The following PCSK5 variants were observed in gnomAD, a reference collection of about 807,000 sequenced individuals.
PCSK5 encodes the protein proprotein convertase subtilisin/kexin type 5, also known as prohormone convertase 5.
Under a neutral mutation model 233.2 loss-of-function variants are expected in PCSK5, and 129 were observed. The observed-to-expected ratio is 0.55, with a 90% confidence interval of 0.48 to 0.64. The LOEUF (loss-of-function observed/expected upper bound fraction) is 0.64, where lower values mean the gene tolerates loss of function less well. Among genes scored for constraint, PCSK5 ranks in the 30% least tolerant of loss-of-function variants. The pLI is 0.00. For missense variants in PCSK5, 2,076 were observed against 2,430.1 expected, an observed-to-expected ratio of 0.85 and a Z score of 3.06; for synonymous variants, 825 against 879.2, an observed-to-expected ratio of 0.94 and a Z score of 1.09.
Position 76,350,873 on chromosome 9 carries a change from T to A in PCSK5, c.5012T>A (p.Leu1671His), listed in dbSNP as rs375939325. The change falls in exon 36 of 38, where the codon CTC (leucine) becomes CAC (histidine). Residue 1671 changes from leucine (L) to histidine (H), a missense_variant. Leu to His is a moderately conservative substitution (Grantham distance 99). Around this residue, in one of 6 missense-constraint regions of PCSK5, gnomAD observed 1,510 missense variants for 1,538.1 expected, o/e 0.98. Transcript: ENST00000674117. ...NCLSCVWSYH[L>H]MGGICTSDCL... The stretch of plus-strand genomic sequence containing the variant: ...TTATCCTGTGTGTGGAGTTACCACC[T>A]CATGGGAGGGATCTGCACCTCGGAC... The A allele has an allele frequency of 2.5e-6, 4 of 1,610,080 alleles. No individual in the cohort carries two copies. In the African/African-American group the frequency reaches 5.3e-5, roughly 22 times the overall value.
At chr9:76,194,019 T>C (rs1471964172) in intron 20 of PCSK5, 1 of 152,430 alleles carries the variant, frequency 6.6e-6, no homozygotes, top group Non-Finnish European at 1.5e-5. Flanking sequence ...ACTGGTTTCA[T>C]CAGATAGACT....
chr9:76,225,455 ATC>A (rs1383636350), intron 20 of PCSK5, among the ~76,000 whole-genome samples: 1 of 152,162 alleles, frequency 6.6e-6, no homozygotes, highest in Non-Finnish European at 1.5e-5. Context: ...ATACATAGAT[ATC>A]ATCTAACTGT....
intron 2 of PCSK5, among the ~76,000 whole-genome samples, chr9:75,972,261 A>G (rs1339299888): frequency 6.6e-6 from 1 of 152,140 alleles, no homozygotes; most frequent in Admixed American, 6.6e-5. Context: ...TACCACTATC[A>G]TGCTGTTTTG....
intron 24 of PCSK5, among the ~76,000 whole-genome samples, chr9:76,241,541 A>G (rs1440695178): frequency 6.6e-6 from 1 of 152,194 alleles, no homozygotes; most frequent in Admixed American, 6.5e-5. Context: ...TGAATTCCCC[A>G]TCATGCAATG....
At chr9:76,108,513 G>C (rs2131682609) in intron 9 of PCSK5, among the ~76,000 whole-genome samples, 1 of 152,304 alleles carries the variant, frequency 6.6e-6, no homozygotes, top group African/African-American at 2.4e-5. Flanking sequence ...CCAGCACTTT[G>C]GGAGGCCAAG....
chr9:75,917,171 A>G (rs1029521527), intron 1 of PCSK5, among the ~76,000 whole-genome samples: 5 of 38,250 alleles, frequency 1.3e-4, no homozygotes, highest in African/African-American at 6.1e-4. Flanking sequence ...TCCGTCTCAG[A>G]AAAAAAAAAA....
intron 2 of PCSK5, among the ~76,000 whole-genome samples, chr9:75,953,700 C>G (rs1196735075): frequency 6.6e-6 from 1 of 151,738 alleles, no homozygotes; most frequent in Non-Finnish European, 1.5e-5. Flanking sequence ...GAGTTAGAGA[C>G]AGCAAAATAT....
intron 5 of PCSK5, among the ~76,000 whole-genome samples, chr9:76,058,303 C>T (rs1297900716): frequency 6.6e-6 from 1 of 151,996 alleles, no homozygotes; most frequent in East Asian, 1.9e-4. Context: ...AAGCTCAGGG[C>T]CTTGGTTCAG....
At chr9:76,074,824 T>C (rs1830589205) in intron 7 of PCSK5, among the ~76,000 whole-genome samples, 1 of 152,202 alleles carries the variant, frequency 6.6e-6, no homozygotes, top group South Asian at 2.1e-4. Flanking sequence ...TATAAAACTA[T>C]TTAAATTTGT....
At chr9:76,158,183 C>A (rs964837225) in intron 11 of PCSK5, among the ~76,000 whole-genome samples, 1 of 151,968 alleles carries the variant, frequency 6.6e-6, no homozygotes, top group South Asian at 2.1e-4. Context: ...ATTACAAATT[C>A]TAATAAACAA....
intron 20 of PCSK5, among the ~76,000 whole-genome samples, chr9:76,225,017 G>C (rs150038273): frequency 6.6e-6 from 1 of 152,300 alleles, no homozygotes; most frequent in Non-Finnish European, 1.5e-5. Context: ...ACACATCATG[G>C]AAATGAGGAT....
intron 10 of PCSK5, among the ~76,000 whole-genome samples, chr9:76,151,313 AG>A (rs1823664005): frequency 6.6e-6 from 1 of 152,220 alleles, no homozygotes; most frequent in African/African-American, 2.4e-5. Flanking sequence ...CTCCTCAAGA[AG>A]GGAATTTGGG....
At chr9:76,340,225 G>A (rs1240307815) in intron 35 of PCSK5, among the ~76,000 whole-genome samples, 3 of 152,126 alleles carry the variant, frequency 2.0e-5, no homozygotes, top group Non-Finnish European at 2.9e-5. Flanking sequence ...CATTCATTGT[G>A]TATCCCTTGT....
intron 24 of PCSK5, among the ~76,000 whole-genome samples, chr9:76,285,652 C>A (rs560025836): frequency 1.3e-5 from 2 of 152,256 alleles, no homozygotes; most frequent in South Asian, 2.1e-4. Context: ...ATTACCCCCC[C>A]ACCACCAGTT....
At chr9:76,138,092 T>A (rs1823053380) in intron 10 of PCSK5, among the ~76,000 whole-genome samples, 1 of 152,098 alleles carries the variant, frequency 6.6e-6, no homozygotes, top group Non-Finnish European at 1.5e-5. Context: ...CTGAGCACTT[T>A]CAGCATGCCA....
intron 10 of PCSK5, among the ~76,000 whole-genome samples, chr9:76,154,797 G>C (rs531115240): frequency 6.6e-6 from 1 of 152,166 alleles, no homozygotes; most frequent in South Asian, 2.1e-4. Flanking sequence ...ATGGTTAAAT[G>C]ATGAGTAAGA....
chr9:76,084,885 C>G (rs1830999649), intron 7 of PCSK5, among the ~76,000 whole-genome samples: 2 of 152,124 alleles, frequency 1.3e-5, no homozygotes, highest in African/African-American at 4.8e-5. Flanking sequence ...GTTTGTTTTT[C>G]TGCTTCACCT....
intron 1 of PCSK5, among the ~76,000 whole-genome samples, chr9:75,899,295 A>G (rs1004005463): frequency 2.6e-5 from 4 of 152,362 alleles, no homozygotes; most frequent in East Asian, 1.9e-4. Flanking sequence ...ATATTTTGAT[A>G]TACATATACA....
chr9:75,890,128 T>C (rs1338754360), upstream of PCSK5, among the ~76,000 whole-genome samples: 1 of 152,230 alleles, frequency 6.6e-6, no homozygotes, highest in Admixed American at 6.5e-5. Flanking sequence ...GCAACAGACT[T>C]GGCTTTCGAG....
Sources: allele counts gnomAD v4.1 joint callset (sites outside exome capture counted in the v4.1 genomes callset), GRCh38; gene constraint gnomAD v4.1.1; regional missense constraint gnomAD v4.1.1; transcripts MANE v1.5; gene names NCBI Gene and HGNC (gene_info 2026-07-23, HGNC 2026-07-21).